The following SCP2 variants were observed in gnomAD, a reference collection of about 807,000 sequenced individuals.
SCP2 encodes the protein SCP-2/3-oxoacyl-CoA thiolase.
SCP2 carries 48 observed loss-of-function variants against 71.4 expected under a neutral mutation model. The observed-to-expected ratio is 0.67, with a 90% confidence interval of 0.53 to 0.86. The LOEUF (loss-of-function observed/expected upper bound fraction) is 0.86, where lower values mean the gene tolerates loss of function less well. SCP2 is among the 40% of genes least tolerant of loss of function. The probability of loss-of-function intolerance (pLI) is 0.00; values close to 1 mark genes in which losing one functional copy is unlikely to be tolerated. For missense variants in SCP2, 560 were observed against 655.6 expected (o/e 0.85, Z 1.59); for synonymous variants, 220 against 218.1 (o/e 1.01, Z -0.08).
At chr1:52,994,339 A>G in intron 11 of SCP2, 1 of 948,596 alleles carries the variant, frequency 1.1e-6, no homozygotes, top group East Asian at 1.1e-4. Context: ...TAGGAGATGA[A>G]TATGATATTT....
intron 11 of SCP2, among the ~76,000 whole-genome samples, chr1:53,007,403 A>G (rs1216844009): frequency 1.3e-5 from 2 of 152,234 alleles, no homozygotes; most frequent in African/African-American, 4.8e-5. Context: ...CAAATGTAAA[A>G]GAACAGAAAT....
chr1:52,948,500 C>T (rs538378893), intron 3 of SCP2, among the ~76,000 whole-genome samples: 72 of 152,026 alleles, frequency 4.7e-4, no homozygotes, highest in Non-Finnish European at 8.8e-4. Flanking sequence ...AAAAATGCGC[C>T]TGTAGTCCCA....
intron 5 of SCP2, among the ~76,000 whole-genome samples, chr1:52,955,358 A>C (rs1655700816): frequency 2.0e-5 from 3 of 152,196 alleles, no homozygotes; most frequent in Admixed American, 2.0e-4. Context: ...GAAAGGGGAA[A>C]TAGTCAAAGC....
intron 1 of SCP2, among the ~76,000 whole-genome samples, chr1:52,931,529 C>T (rs1397779596): frequency 6.6e-6 from 1 of 152,180 alleles, no homozygotes; most frequent in Non-Finnish European, 1.5e-5. Flanking sequence ...ATTCTGCATG[C>T]TAAAGGGTAG....
intron 1 of SCP2, 50 bp downstream of exon 1, chr1:52,927,515 G>A (rs1307328090): frequency 1.4e-6 from 2 of 1,410,278 alleles, no homozygotes; most frequent in East Asian, 4.8e-5. Flanking sequence ...GGGGCGGTCG[G>A]TGCCTGGGTT....
intron 4 of SCP2, among the ~76,000 whole-genome samples, chr1:52,951,901 TAG>T (rs1655352937): frequency 6.6e-6 from 1 of 152,008 alleles, no homozygotes; most frequent in Admixed American, 6.6e-5. Flanking sequence ...GTATTTTTAA[TAG>T]AGACGGGGTT....
chr1:53,024,563 CTTTCTTTTTT>C (rs1248963302), intron 12 of SCP2, among the ~76,000 whole-genome samples: 3 of 146,692 alleles, frequency 2.0e-5, no homozygotes, highest in African/African-American at 5.2e-5. Flanking sequence ...ACATTTCTTT[CTTTCTTTTTT>C]TTTCTTTTTT....
At chr1:52,960,636 G>A (rs1572092697) in intron 5 of SCP2, among the ~76,000 whole-genome samples, 1 of 147,056 alleles carries the variant, frequency 6.8e-6, no homozygotes, top group Non-Finnish European at 1.5e-5. Context: ...GTATATATGT[G>A]TATATATGTA....
At chr1:52,932,342 T>C (rs1653233585) in intron 1 of SCP2, among the ~76,000 whole-genome samples, 2 of 152,212 alleles carry the variant, frequency 1.3e-5, no homozygotes, top group Non-Finnish European at 2.9e-5. Context: ...TCAAAATTCT[T>C]AAGCAAAATT....
At chr1:52,985,180 C>T (rs1557586867) in intron 10 of SCP2, among the ~76,000 whole-genome samples, 1 of 152,152 alleles carries the variant, frequency 6.6e-6, no homozygotes, top group Non-Finnish European at 1.5e-5. Context: ...CTTGCTTGAA[C>T]TGCTTCTCCA....
intron 13 of SCP2, among the ~76,000 whole-genome samples, chr1:53,029,451 T>G (rs537666876): frequency 6.6e-6 from 1 of 152,234 alleles, no homozygotes; most frequent in East Asian, 1.9e-4. Context: ...ATTTTAGATC[T>G]GAGACCGTAT....
intron 13 of SCP2, among the ~76,000 whole-genome samples, chr1:53,029,553 T>C (rs1662378876): frequency 6.6e-6 from 1 of 152,242 alleles, no homozygotes; most frequent in African/African-American, 2.4e-5. Flanking sequence ...TTAAACTGTA[T>C]TTCACTCACG....
At chr1:53,048,252 C>T in intron 15 of SCP2, 1 of 368,064 alleles carries the variant, frequency 2.7e-6, no homozygotes, top group Non-Finnish European at 5.3e-6. Context: ...AGCCATATCT[C>T]TCTGGGCCAT....
intron 10 of SCP2, among the ~76,000 whole-genome samples, chr1:52,985,032 G>A (rs1056775365): frequency 6.6e-5 from 10 of 150,514 alleles, no homozygotes; most frequent in Admixed American, 6.0e-4. Flanking sequence ...TAGTAGAGAC[G>A]GGATTTCACC....
intron 11 of SCP2, among the ~76,000 whole-genome samples, chr1:53,003,877 G>T (rs1557601548): frequency 6.6e-6 from 1 of 152,058 alleles, no homozygotes; most frequent in Non-Finnish European, 1.5e-5. Flanking sequence ...TGTTACTGTA[G>T]ATCTTAGCAA....
intron 11 of SCP2, among the ~76,000 whole-genome samples, chr1:53,012,911 C>T (rs1661073621): frequency 6.6e-6 from 1 of 152,134 alleles, no homozygotes; most frequent in Non-Finnish European, 1.5e-5. Context: ...TTTGTGAAGA[C>T]AACTAGCAGC....
intron 6 of SCP2, among the ~76,000 whole-genome samples, chr1:52,967,540 T>C (rs549908579): frequency 6.6e-6 from 1 of 152,332 alleles, no homozygotes; most frequent in Admixed American, 6.5e-5. Context: ...TCTTGCTCTG[T>C]TGCCCAGGCT....
At chr1:53,009,823 C>T (rs1007314015) in intron 11 of SCP2, among the ~76,000 whole-genome samples, 5 of 152,112 alleles carry the variant, frequency 3.3e-5, no homozygotes, top group Non-Finnish European at 7.4e-5. Context: ...AAGAAACTAC[C>T]ATCAGAGTAC....
At chr1:53,010,743 A>C (rs147242598) in intron 11 of SCP2, among the ~76,000 whole-genome samples, 2,854 of 152,292 alleles carry the variant, frequency 0.019, 97 homozygotes, top group African/African-American at 0.065. Flanking sequence ...AAAGCTGCAC[A>C]TTGTGCACAT....
Sources: gnomAD v4.1 joint callset for allele counts (sites outside exome capture counted in the v4.1 genomes callset) on GRCh38, gnomAD v4.1.1 for gene constraint, MANE v1.5 for transcripts, NCBI Gene and HGNC (gene_info 2026-07-23, HGNC 2026-07-21) for gene names.